Variants in FCF1 observed in about 807,000 individuals in gnomAD.
The protein encoded by FCF1 is rRNA-processing protein FCF1 homolog.
In FCF1, 17 loss-of-function variants were observed where a neutral mutation model predicts 32.5. The observed-to-expected ratio is 0.52, with a 90% CI of 0.36 to 0.78. FCF1 has a LOEUF of 0.78. FCF1 is among the 30% of genes least tolerant of loss of function. The probability of loss-of-function intolerance (pLI) is 0.00; values close to 1 mark genes in which losing one functional copy is unlikely to be tolerated. For missense variants in FCF1, 201 were observed against 241.1 expected (o/e 0.83, Z 1.10); for synonymous variants, 84 against 78.4 (o/e 1.07, Z -0.38).
intron 7 of FCF1, 145 bp downstream of exon 7, chr14:74,734,315 G>C (rs1477084259): frequency 3.7e-6 from 2 of 544,196 alleles, no homozygotes; most frequent in East Asian, 5.8e-5. Context: ...ATGAGACAAA[G>C]CAAGAGCAAG....
chr14:74,734,331 AAGAG>A (rs111302128), intron 7 of FCF1, among the ~76,000 whole-genome samples, 161 bp downstream of exon 7: 1 of 151,932 alleles, frequency 6.6e-6, no homozygotes, highest in African/African-American at 2.4e-5. Context: ...GCAAGAGCAA[AAGAG>A]AGAGATAGGA....
rs559449630 is a variant in FCF1 at position 74,735,323 on chromosome 14, ATTT to A, written c.*394_*396del. 1.4e-3 allele frequency: 224 copies of A among 156,322 alleles called. No individual in the cohort carries two copies. The highest frequency in any genetic ancestry group is 3.2e-3 in the Middle Eastern group (1 of 308). 9.7% of individuals were successfully genotyped at this position (156,322 alleles called of 1,614,324 possible). Reference sequence around the variant, plus strand: ...AGCTGCACAGCTAGAGAAACAGGGTATTTACAATGCCTGGGAAAGGAGGAGAGA... The same window carrying A: ...AGCTGCACAGCTAGAGAAACAGGGTAACAATGCCTGGGAAAGGAGGAGAGA... On this transcript the variant is annotated 3_prime_UTR_variant, in exon 8 of 8. Coordinates refer to ENST00000341162, the MANE Select transcript of FCF1 (RefSeq NM_015962.5).
At chr14:74,720,120 C>T (rs981702795) in intron 4 of FCF1, among the ~76,000 whole-genome samples, 3 of 151,918 alleles carry the variant, frequency 2.0e-5, no homozygotes, top group African/African-American at 4.8e-5. Context: ...AGCGAAACTC[C>T]GTCTCAAAAA....
rs1003778167 is a variant in FCF1, at chr14:74,737,460, G to C, written c.*2530G>C. ...GGAAATTTCATTAACAGGCCAAATAGTCTGGAGTCATTCTGTTAGTGTTAG... is the reference window on the plus strand; with the variant it reads ...GGAAATTTCATTAACAGGCCAAATACTCTGGAGTCATTCTGTTAGTGTTAG... On this transcript the variant is annotated 3_prime_UTR_variant, in exon 8 of 8. Coordinates refer to ENST00000341162, the MANE Select transcript of FCF1 (RefSeq NM_015962.5). 1.3e-5 allele frequency: 2 copies of C among 152,222 alleles called. No individual in the cohort carries two copies. The highest frequency in any genetic ancestry group is 4.8e-5 in the African/African-American group (2 of 41,458). 9.4% of individuals were successfully genotyped at this position (152,222 alleles called of 1,614,324 possible).
chr14:74,713,893 G>C (rs552298482), intron 2 of FCF1, among the ~76,000 whole-genome samples: 8 of 152,282 alleles, frequency 5.3e-5, no homozygotes, highest in African/African-American at 1.7e-4. Context: ...GGGGCGAGGG[G>C]AGTGTTTCTT....
chr14:74,715,651 C>G (rs978746223), intron 3 of FCF1: 11 of 447,896 alleles, frequency 2.5e-5, no homozygotes, highest in African/African-American at 2.0e-4. Context: ...TATTCTACCT[C>G]CCTGTGCCCA....
intron 4 of FCF1, among the ~76,000 whole-genome samples, chr14:74,720,879 GT>G (rs35099474): frequency 0.29 from 36,346 of 126,508 alleles, 4,415 homozygotes; most frequent in African/African-American, 0.46. Context: ...TTTGGGGTTT[GT>G]TTTTTTTTTT....
rs2090363254 is a variant in FCF1, at chr14:74,713,503, A to T, written c.22A>T (p.Arg8Trp). Residue 8 changes from arginine (R) to tryptophan (W), a missense_variant, in exon 2 of 8, where the codon AGG becomes TGG. By Grantham distance (101) the Arg-to-Trp change is moderately radical (BLOSUM62 -3). Coordinates refer to ENST00000341162, the MANE Select transcript of FCF1 (RefSeq NM_015962.5). ...TTTCAAGGGGAAGCAAAAGAAAACA[A>T]GGAAGTATGCGACCATGAAGCGAAT... is the stretch of plus-strand genomic sequence containing the variant. MGKQKKT[R>W]KYATMKRMLS... 4 of 1,612,542 alleles carry T rather than the reference A, an allele frequency of 2.5e-6. No individual in the cohort carries two copies. In the South Asian group the frequency reaches 3.3e-5, roughly 13 times the overall value.
At chr14:74,732,966 G>T in intron 6 of FCF1, 148 bp downstream of exon 6, 1 of 560,570 alleles carries the variant, frequency 1.8e-6, no homozygotes. Flanking sequence ...TTCATAAGAA[G>T]CATAGGTGTC....
intron 5 of FCF1, among the ~76,000 whole-genome samples, chr14:74,725,951 A>G (rs996016503): frequency 3.3e-5 from 5 of 150,726 alleles, no homozygotes; most frequent in Non-Finnish European, 7.4e-5. Context: ...AAAAAAAAAG[A>G]AAATTAGCCA....
At position 74,713,146 on chromosome 14, in the gene FCF1, AG is replaced by A. The variant is rs772820644; in HGVS notation, c.-51del. ...GCCGGAAGCAGTATGTGAATGACGT[AG>A]AAGTATTGCGCCGTTGGTGATTACG... On this transcript the variant is annotated 5_prime_UTR_variant, in exon 1 of 8. Transcript: ENST00000341162. 97 of 1,614,034 alleles carry A rather than the reference AG, an allele frequency of 6.0e-5. No individual in the cohort carries two copies. Among genetic ancestry groups the A allele is most frequent in the Non-Finnish European group, 8.0e-5 (94 of 1,180,028 alleles).
chr14:74,736,399 G>A lies in FCF1; in HGVS notation c.*1469G>A, dbSNP rs1227563340. 6.6e-6 allele frequency: 1 copy of A among 150,634 alleles called. No homozygotes were observed. Among genetic ancestry groups the A allele is most frequent in the African/African-American group, 2.4e-5 (1 of 40,916 alleles). The allele number at this position is 150,634 out of a possible 1,614,324, so 9.3% of individuals were successfully genotyped here. On this transcript the variant is annotated 3_prime_UTR_variant, in exon 8 of 8. Coordinates refer to ENST00000341162, the MANE Select transcript of FCF1 (RefSeq NM_015962.5). The stretch of plus-strand genomic sequence containing the variant: ...TGCATTCCAGCCTGGGTGACAGAGT[G>A]AGACTGTCTCAAAAAAAAAAAAAAA...
In FCF1 at chr14:74,714,926, A is replaced by G. The variant is rs1171492047; in HGVS notation, c.126A>G (p.Ala42=). 2 of 1,597,792 alleles carry G rather than the reference A, an allele frequency of 1.3e-6. No individual in the cohort carries two copies. The highest frequency in any genetic ancestry group is 1.7e-6 in the Non-Finnish European group (2 of 1,174,808). Residue 42 remains alanine (A), a synonymous_variant, in exon 3 of 8, where the codon GCA becomes GCG. Coordinates refer to ENST00000341162, the MANE Select transcript of FCF1 (RefSeq NM_015962.5). ...AGAAAGAAAAGAAGGATCCCAGCGC[A>G]TTAAAGGAAAGAGAAGTGTGAGTAA... is the stretch of plus-strand genomic sequence containing the variant. ...PKKKEKKDPS[A]LKEREVPQHP...
At chr14:74,733,296 C>T (rs564502616) in intron 6 of FCF1, among the ~76,000 whole-genome samples, 2 of 152,128 alleles carry the variant, frequency 1.3e-5, no homozygotes, top group South Asian at 2.1e-4. Context: ...TTTTTAATTC[C>T]TTCATTAAGC....
At chr14:74,717,769 CCTTG>C (rs1276537187) in intron 4 of FCF1, among the ~76,000 whole-genome samples, 3 of 152,178 alleles carry the variant, frequency 2.0e-5, no homozygotes, top group Admixed American at 2.0e-4. Flanking sequence ...CCCTTTGCTT[CCTTG>C]ATGAATTGCT....
Position 74,713,553 on chromosome 14 carries a change from G to A in FCF1, c.71+1G>A. The stretch of plus-strand genomic sequence containing the variant: ...TGCTTAGTCTCAGAGATCAGAGGCT[G>A]TGAGTGTCTGGAATCAACTGCCCAG... On this transcript the variant is annotated splice_donor_variant, in intron 2 of 7. Transcript: ENST00000341162. LOFTEE classifies it high-confidence loss of function. The A allele has an allele frequency of 6.2e-7, 1 of 1,609,722 alleles. No individual in the cohort carries two copies. Among genetic ancestry groups the A allele is most frequent in the Non-Finnish European group, 8.5e-7 (1 of 1,177,720 alleles).
chr14:74,727,084 T>G (rs2090586301), intron 5 of FCF1, among the ~76,000 whole-genome samples: 1 of 152,204 alleles, frequency 6.6e-6, no homozygotes, highest in African/African-American at 2.4e-5. Context: ...CATGTGCCTT[T>G]ATAGCAGCAT....
At chr14:74,728,859 T>A (rs575496522) in intron 5 of FCF1, among the ~76,000 whole-genome samples, 1 of 152,238 alleles carries the variant, frequency 6.6e-6, no homozygotes, top group Non-Finnish European at 1.5e-5. Flanking sequence ...ATTGAGATAA[T>A]CATGTGGTTT....
chr14:74,734,805 CA>C, intron 7 of FCF1, 76 bp from the exon 8 acceptor site: 1 of 1,120,354 alleles, frequency 8.9e-7, no homozygotes, highest in Non-Finnish European at 1.4e-6. Flanking sequence ...GAGAGTATTG[CA>C]GTCTATAAAG....
Sources: allele counts gnomAD v4.1 joint callset (sites outside exome capture counted in the v4.1 genomes callset), GRCh38; gene constraint gnomAD v4.1.1; transcripts MANE v1.5; gene names NCBI Gene and HGNC (gene_info 2026-07-23, HGNC 2026-07-21).